PRKACA: variants seen among roughly 807,000 people sequenced by gnomAD.
PRKACA encodes protein kinase cAMP-activated catalytic subunit alpha.
In PRKACA, 9 loss-of-function variants were observed where a neutral mutation model predicts 45.8. The observed-to-expected ratio is 0.20, with a 90% confidence interval of 0.12 to 0.34. PRKACA has a LOEUF of 0.34. PRKACA is among the 10% of genes least tolerant of loss of function. PRKACA has a pLI of 1.00. For missense variants in PRKACA, 238 were observed against 458.6 expected (o/e 0.52, Z 4.39); for synonymous variants, 160 against 178.6 (o/e 0.90, Z 0.83).
At position 14,092,898 on chromosome 19, in the gene PRKACA, A is replaced by T. The variant is rs1027458185; in HGVS notation, c.*214T>A. The stretch of plus-strand genomic sequence containing the variant: ...GGAAGGGAAAAGTGGGAGAGGGGGC[A>T]GGAGGGTGAAGGGGATGAGGGGGAG... On this transcript the variant is annotated 3_prime_UTR_variant, in exon 10 of 10. Transcript: ENST00000308677. 7 of 395,042 alleles carry T rather than the reference A, an allele frequency of 1.8e-5. No homozygotes were observed. Among genetic ancestry groups the T allele is most frequent in the South Asian group, 1.3e-4 (4 of 31,534 alleles). The allele number at this position is 395,042 out of a possible 1,614,324, so 24.5% of individuals were successfully genotyped here.
chr19:14,108,622 G>A (rs1489367734), intron 1 of PRKACA, among the ~76,000 whole-genome samples: 1 of 151,924 alleles, frequency 6.6e-6, no homozygotes, highest in African/African-American at 2.4e-5. Context: ...GTGTTAGCCA[G>A]GATGGTCTCG....
chr19:14,099,442 CTT>C (rs879512820), intron 5 of PRKACA, among the ~76,000 whole-genome samples: 15 of 142,914 alleles, frequency 1.0e-4, no homozygotes, highest in Admixed American at 2.1e-4. Flanking sequence ...CTTATGCAGT[CTT>C]TTTTTTTTTT....
intron 1 of PRKACA, among the ~76,000 whole-genome samples, chr19:14,108,770 C>G (rs1977688550): frequency 6.7e-6 from 1 of 149,180 alleles, no homozygotes; most frequent in Admixed American, 6.7e-5. Flanking sequence ...CTTTGTTGCC[C>G]AGGCTGGAGT....
In PRKACA at chr19:14,093,054, C is replaced by A. The variant is rs1324755533; in HGVS notation, c.*58G>T. 7 of 1,289,336 alleles carry A rather than the reference C, an allele frequency of 5.4e-6. No individual in the cohort carries two copies. Among genetic ancestry groups the A allele is most frequent in the Non-Finnish European group, 7.1e-6 (7 of 982,464 alleles). The allele number at this position is 1,289,336 out of a possible 1,614,324, so 79.9% of individuals were successfully genotyped here. A position where few individuals can be genotyped will look rare whatever the true frequency, so the allele number is the denominator to read the frequency against. ...GCTGTTCAATCCAACCCTCCCACCC[C>A]CCCGACCAAAAAAAAGAAAAAAGAA... On this transcript the variant is annotated 3_prime_UTR_variant, in exon 10 of 10. Transcript: ENST00000308677.
chr19:14,113,819 G>C (rs539842048), intron 1 of PRKACA, among the ~76,000 whole-genome samples: 1 of 152,156 alleles, frequency 6.6e-6, no homozygotes, highest in South Asian at 2.1e-4. Flanking sequence ...ATTCTGAGCT[G>C]GACCCCAACA....
chr19:14,117,248 C>T (rs938978436), intron 1 of PRKACA, among the ~76,000 whole-genome samples: 1 of 150,966 alleles, frequency 6.6e-6, no homozygotes, highest in African/African-American at 2.4e-5. Context: ...AGCGGTCATA[C>T]GTGCCATGGT....
intron 1 of PRKACA, among the ~76,000 whole-genome samples, chr19:14,109,010 G>A (rs1251797309): frequency 2.6e-5 from 4 of 151,322 alleles, no homozygotes; most frequent in African/African-American, 9.7e-5. Flanking sequence ...TTACAGGCAT[G>A]AGCCACCGTG....
intron 1 of PRKACA, among the ~76,000 whole-genome samples, chr19:14,114,871 C>G (rs931655395): frequency 6.6e-6 from 1 of 152,186 alleles, no homozygotes; most frequent in African/African-American, 2.4e-5. Flanking sequence ...GATGGTACCA[C>G]AGGGGACTGC....
chr19:14,110,918 C>T (rs1036525185), intron 1 of PRKACA, among the ~76,000 whole-genome samples: 1 of 152,244 alleles, frequency 6.6e-6, no homozygotes, highest in African/African-American at 2.4e-5. Context: ...GTGGACAGAG[C>T]TGCCTTCAAC....
Position 14,091,946 on chromosome 19 carries a change from G to A in PRKACA, c.*1166C>T, listed in dbSNP as rs1023754434. 6.6e-6 allele frequency: 1 copy of A among 152,240 alleles called. No individual in the cohort carries two copies. Among genetic ancestry groups the A allele is most frequent in the Non-Finnish European group, 1.5e-5 (1 of 68,048 alleles). 9.4% of individuals were successfully genotyped at this position (152,240 alleles called of 1,614,324 possible). A position where few individuals can be genotyped will look rare whatever the true frequency, so the allele number is the denominator to read the frequency against. ...GAGAAAAAAGCACAAATGAGAAAGT[G>A]GGGGAGAGGTGATGGACAGCTGACA... is the stretch of plus-strand genomic sequence containing the variant. On this transcript the variant is annotated 3_prime_UTR_variant, in exon 10 of 10. Transcript: ENST00000308677.
At position 14,100,842 on chromosome 19, in the gene PRKACA, G is replaced by A. The variant is rs769081071; in HGVS notation, c.403C>T (p.Arg135Trp). 5 of 1,613,908 alleles carry A rather than the reference G, an allele frequency of 3.1e-6. No individual in the cohort carries two copies. Among genetic ancestry groups the A allele is most frequent in the Non-Finnish European group, 4.2e-6 (5 of 1,179,930 alleles). The change falls in exon 5 of 10, where the codon CGG (arginine) becomes TGG (tryptophan). Residue 135 changes from arginine (R) to tryptophan (W), a missense_variant. This residue lies in a region of PRKACA where 94 missense variants were observed against 240.9 expected (regional missense o/e 0.39). Transcript: ENST00000308677. ...CCCGCTTACCTGAACCTTCCGATCC[G>A]CCGTAGGTGTGAGAACATCTCCCCG... ...PGGEMFSHLRRIGRFSEPHAR... is the reference protein window; with the variant it reads ...PGGEMFSHLRWIGRFSEPHAR...
chr19:14,109,999 T>TACACACACACACAC (rs764855462), intron 1 of PRKACA, among the ~76,000 whole-genome samples: 4 of 55,470 alleles, frequency 7.2e-5, no homozygotes, highest in Admixed American at 7.1e-4. Flanking sequence ...TATATATATA[T>TACACACACACACAC]ACACACACAC....
chr19:14,094,377 C>T (rs770896471), intron 8 of PRKACA, among the ~76,000 whole-genome samples: 15 of 151,994 alleles, frequency 9.9e-5, no homozygotes, highest in Admixed American at 2.6e-4. Flanking sequence ...TTAGTAGAGA[C>T]GGGGTTTCAC....
intron 8 of PRKACA, among the ~76,000 whole-genome samples, chr19:14,094,872 C>A (rs1308720905): frequency 2.0e-5 from 3 of 152,242 alleles, no homozygotes; most frequent in African/African-American, 7.2e-5. Context: ...ACCCTCTGAG[C>A]CCACGCCTTG....
At chr19:14,101,026 C>T (rs1599340021) in intron 4 of PRKACA, 118 bp from the exon 5 acceptor site, 1 of 853,400 alleles carries the variant, frequency 1.2e-6, no homozygotes, top group Non-Finnish European at 1.9e-6. Flanking sequence ...ATCCTGGCTC[C>T]CTGTAGGAAT....
chr19:14,114,330 G>T (rs1385654186), intron 1 of PRKACA: 3 of 777,838 alleles, frequency 3.9e-6, no homozygotes, highest in African/African-American at 3.5e-5. Flanking sequence ...GTGGAGGAGG[G>T]ACAGATAGGG....
At chr19:14,104,336 C>CAAA (rs769115807) in intron 3 of PRKACA, among the ~76,000 whole-genome samples, 45 of 47,966 alleles carry the variant, frequency 9.4e-4, no homozygotes, top group East Asian at 1.1e-3. Context: ...GACTCCGTCT[C>CAAA]AAAAAAAAAA....
intron 1 of PRKACA, 113 bp from the exon 2 acceptor site, chr19:14,107,522 C>T: frequency 7.3e-7 from 1 of 1,370,904 alleles, no homozygotes; most frequent in Non-Finnish European, 1.0e-6. Context: ...CAACCCAGAG[C>T]CTGACCTTTT....
At chr19:14,117,381 G>A (rs1341840506) in intron 1 of PRKACA, 121 bp downstream of exon 1, 1 of 1,095,008 alleles carries the variant, frequency 9.1e-7, no homozygotes, top group Non-Finnish European at 1.1e-6. Context: ...CCGGGGCAAG[G>A]GGCGCTGGGG....
Sources: allele counts gnomAD v4.1 joint callset (sites outside exome capture counted in the v4.1 genomes callset), GRCh38; gene constraint gnomAD v4.1.1; regional missense constraint gnomAD v4.1.1; transcripts MANE v1.5; gene names NCBI Gene and HGNC (gene_info 2026-07-23, HGNC 2026-07-21).